The following CERS6 variants were observed in gnomAD, a reference collection of about 807,000 sequenced individuals.
CERS6 encodes LAG1 homolog, ceramide synthase 6.
Under a neutral mutation model 56.8 loss-of-function variants are expected in CERS6, and 26 were observed. That is an observed-to-expected ratio of 0.46 (90% CI 0.34 to 0.63). The LOEUF is 0.63. Ranked by LOEUF, CERS6 falls within the 30% of genes least tolerant of loss-of-function variation. The pLI is 0.01. For missense variants in CERS6, 415 were observed against 467.5 expected (o/e 0.89, Z 1.04); for synonymous variants, 164 against 173.3 (o/e 0.95, Z 0.42).
intron 1 of CERS6, among the ~76,000 whole-genome samples, chr2:168,545,127 A>ATG (rs1558991708): frequency 3.9e-5 from 6 of 152,020 alleles, no homozygotes; most frequent in African/African-American, 1.2e-4. Context: ...GTAGAAACAC[A>ATG]CACATGTATT....
intron 8 of CERS6, among the ~76,000 whole-genome samples, chr2:168,721,678 A>G (rs985393719): frequency 5.3e-5 from 8 of 149,628 alleles, no homozygotes; most frequent in African/African-American, 2.0e-4. Context: ...GGCTACAGTG[A>G]TGCCATCATA....
chr2:168,664,183 A>G (rs1203188149), intron 4 of CERS6, among the ~76,000 whole-genome samples: 1 of 152,208 alleles, frequency 6.6e-6, no homozygotes, highest in East Asian at 1.9e-4. Flanking sequence ...GCCAAGGGCT[A>G]GGATGTTTTG....
At chr2:168,538,345 A>G (rs916220213) in intron 1 of CERS6, among the ~76,000 whole-genome samples, 2 of 151,558 alleles carry the variant, frequency 1.3e-5, no homozygotes, top group Non-Finnish European at 2.9e-5. Flanking sequence ...GGCTAACTCT[A>G]TACTAGCCTC....
intron 1 of CERS6, among the ~76,000 whole-genome samples, chr2:168,514,406 A>G (rs1452074837): frequency 6.6e-6 from 1 of 152,216 alleles, no homozygotes; most frequent in Non-Finnish European, 1.5e-5. Flanking sequence ...ATAGCCATTT[A>G]TTGATTACAA....
At chr2:168,575,727 C>G (rs1173001156) in intron 3 of CERS6, among the ~76,000 whole-genome samples, 1 of 152,080 alleles carries the variant, frequency 6.6e-6, no homozygotes, top group East Asian at 1.9e-4. Context: ...TATTCTTTTC[C>G]TAAGAATTTT....
Position 168,749,739 on chromosome 2 carries a change from G to A in CERS6, c.846-15853G>A, listed in dbSNP as rs999321969. Among the ~76,000 whole-genome samples, 5 of 149,456 alleles carry A rather than the reference G, an allele frequency of 3.3e-5. 1 individual carries two copies. The highest frequency in any genetic ancestry group is 4.3e-4 in the South Asian group (2 of 4,686). ...CTTTCTGGAAACTCACCTGATGCAG[G>A]GCAGGTGAGCCCCAAAGTGAGGCTT... On this transcript the variant is annotated intron_variant, in intron 8 of 9. Transcript: ENST00000305747.
At chr2:168,769,296 C>A (rs907609956) in intron 9 of CERS6, among the ~76,000 whole-genome samples, 17 of 152,146 alleles carry the variant, frequency 1.1e-4, no homozygotes, top group African/African-American at 3.9e-4. Flanking sequence ...GTCTAGCCCT[C>A]CATGATACTT....
At chr2:168,533,240 C>T (rs1032569475) in intron 1 of CERS6, among the ~76,000 whole-genome samples, 1 of 152,042 alleles carries the variant, frequency 6.6e-6, no homozygotes, top group Non-Finnish European at 1.5e-5. Flanking sequence ...TGTGTCTCTG[C>T]CAGGTTTTGG....
At chr2:168,463,015 A>C (rs1317544947) in intron 1 of CERS6, among the ~76,000 whole-genome samples, 1 of 152,230 alleles carries the variant, frequency 6.6e-6, no homozygotes, top group Non-Finnish European at 1.5e-5. Context: ...GTAACAACTA[A>C]TATTTATTCC....
intron 3 of CERS6, among the ~76,000 whole-genome samples, chr2:168,574,718 A>AG (rs386391750): frequency 8.0e-4 from 1 of 1,248 alleles, no homozygotes; most frequent in Non-Finnish European, 1.1e-3. Flanking sequence ...AAGGGCTGCC[A>AG]AATGAATTGA....
At position 168,657,571 on chromosome 2, in the gene CERS6, C is replaced by T. The variant is rs145897076; in HGVS notation, c.465+26529C>T. On this transcript the variant is annotated intron_variant, in intron 4 of 9. Coordinates refer to ENST00000305747, the MANE Select transcript of CERS6 (RefSeq NM_203463.3). ...CTCAGGCATGGCAGACTGCAGGTCCCGAGCCCTGCCCCGTGGGAAGGCAGC... is the reference window on the plus strand; with the variant it reads ...CTCAGGCATGGCAGACTGCAGGTCCTGAGCCCTGCCCCGTGGGAAGGCAGC... 7.3e-3 allele frequency among the ~76,000 whole-genome samples: 1,107 copies of T among 152,328 alleles called. 16 individuals carry two copies. The highest frequency in any genetic ancestry group is 0.025 in the African/African-American group (1,042 of 41,578).
intron 1 of CERS6, among the ~76,000 whole-genome samples, chr2:168,467,801 T>C (rs1294671870): frequency 1.3e-5 from 2 of 152,150 alleles, no homozygotes; most frequent in African/African-American, 4.8e-5. Flanking sequence ...GAGTACAGTA[T>C]TGAGTACCTG....
chr2:168,463,825 C>T (rs1350202239), intron 1 of CERS6, among the ~76,000 whole-genome samples: 3 of 152,158 alleles, frequency 2.0e-5, no homozygotes, highest in Non-Finnish European at 4.4e-5. Flanking sequence ...GGGAGGATCA[C>T]TCGAGCTTGG....
intron 1 of CERS6, among the ~76,000 whole-genome samples, chr2:168,478,000 A>G (rs191091258): frequency 1.3e-5 from 2 of 152,194 alleles, no homozygotes; most frequent in East Asian, 1.9e-4. Flanking sequence ...ATGTATACTG[A>G]GAATATTTGC....
At chr2:168,697,267 T>C (rs1686676590) in intron 6 of CERS6, among the ~76,000 whole-genome samples, 1 of 152,172 alleles carries the variant, frequency 6.6e-6, no homozygotes, top group Admixed American at 6.5e-5. Flanking sequence ...AGATGACTCT[T>C]TGACACCCGT....
chr2:168,760,766 A>ATTTAT (rs1224521892), intron 8 of CERS6, among the ~76,000 whole-genome samples: 2 of 127,120 alleles, frequency 1.6e-5, no homozygotes, highest in Non-Finnish European at 3.7e-5. Flanking sequence ...TTATTTATTT[A>ATTTAT]TTTTTTTGAG....
chr2:168,522,049 AGT>A (rs1262202949), intron 1 of CERS6, among the ~76,000 whole-genome samples: 7 of 152,200 alleles, frequency 4.6e-5, no homozygotes, highest in Non-Finnish European at 1.0e-4. Context: ...TTGAGAACAC[AGT>A]GGGAAAATTT....
At chr2:168,575,441 A>C (rs1032248229) in intron 3 of CERS6, among the ~76,000 whole-genome samples, 1 of 151,518 alleles carries the variant, frequency 6.6e-6, no homozygotes, top group Non-Finnish European at 1.5e-5. Flanking sequence ...CCACTTCCTC[A>C]CTCTCTTTAA....
rs957356085 is a variant in CERS6 at position 168,773,093 on chromosome 2, C to T, written c.*3431C>T. ...AAAAGTCAGATTTCATTTCCATTTA[C>T]CTGAGTTCGCTTTAAAGAGCTTTTC... is the stretch of plus-strand genomic sequence containing the variant. On this transcript the variant is annotated 3_prime_UTR_variant, in exon 10 of 10. Transcript: ENST00000305747. The T allele has an allele frequency of 2.0e-5, 3 of 152,296 alleles. No homozygotes were observed. The East Asian group carries it at 5.8e-4, about 29-fold the overall frequency. 9.4% of individuals were successfully genotyped at this position (152,296 alleles called of 1,614,324 possible).
Sources: gnomAD v4.1 joint callset for allele counts (sites outside exome capture counted in the v4.1 genomes callset) on GRCh38, gnomAD v4.1.1 for gene constraint, MANE v1.5 for transcripts, NCBI Gene and HGNC (gene_info 2026-07-23, HGNC 2026-07-21) for gene names.